TRMT11: variants seen among roughly 807,000 people sequenced by gnomAD.
TRMT11 encodes the protein tRNA (guanine(10)-N(2))-methyltransferase TRMT11.
A neutral mutation model predicts 62.8 loss-of-function variants in TRMT11; 53 were observed. The ratio of observed to expected loss-of-function variants is 0.84; its 90% CI spans 0.68 to 1.06. The LOEUF (loss-of-function observed/expected upper bound fraction) is 1.06. Ranked by LOEUF, TRMT11 falls within the 50% of genes least tolerant of loss-of-function variation. The pLI, the probability that TRMT11 is intolerant of heterozygous loss-of-function variation, is 0.00. For missense variants in TRMT11, 556 were observed against 553.4 expected (o/e 1.00, Z -0.05); for synonymous variants, 188 against 190.3 (o/e 0.99, Z 0.10).
intron 21 of TRMT11, among the ~76,000 whole-genome samples, chr6:126,139,794 A>G (rs1777895773): frequency 6.6e-6 from 1 of 152,104 alleles, no homozygotes; most frequent in Non-Finnish European, 1.5e-5. Context: ...ACCTTGCTAA[A>G]CTTTCTAATG....
At chr6:126,060,614 G>A (rs992811667) in intron 17 of TRMT11, among the ~76,000 whole-genome samples, 23 of 152,242 alleles carry the variant, frequency 1.5e-4, no homozygotes, top group Non-Finnish European at 2.6e-4. Context: ...GAGAGTCTGG[G>A]TTGGCCCTGC....
intron 17 of TRMT11, among the ~76,000 whole-genome samples, chr6:126,088,138 CTA>C (rs1183883038): frequency 1.3e-5 from 2 of 151,130 alleles, no homozygotes; most frequent in Non-Finnish European, 2.9e-5. Context: ...TATACTCTCT[CTA>C]TATATAGTAT....
intron 21 of TRMT11, among the ~76,000 whole-genome samples, chr6:126,122,010 A>G (rs1056425200): frequency 2.6e-5 from 4 of 152,036 alleles, no homozygotes; most frequent in African/African-American, 9.7e-5. Context: ...CTGATGGGAG[A>G]TAATTGAATC....
At chr6:126,016,109 C>A (rs1254873842) in intron 11 of TRMT11, among the ~76,000 whole-genome samples, 1 of 152,176 alleles carries the variant, frequency 6.6e-6, no homozygotes, top group Non-Finnish European at 1.5e-5. Flanking sequence ...AACCACTACT[C>A]AGATTAATGA....
At chr6:126,006,547 C>T (rs4897166) in intron 7 of TRMT11, among the ~76,000 whole-genome samples, 106,894 of 151,488 alleles carry the variant, frequency 0.71, 38,206 homozygotes, top group East Asian at 0.95. Context: ...TTTGGTAACG[C>T]AAAAAGAAAT....
intron 21 of TRMT11, among the ~76,000 whole-genome samples, chr6:126,170,983 T>C (rs1778323486): frequency 6.6e-6 from 1 of 152,202 alleles, no homozygotes; most frequent in Admixed American, 6.5e-5. Context: ...TTTTTTACTG[T>C]ACCAGGTGAT....
intron 21 of TRMT11, among the ~76,000 whole-genome samples, chr6:126,163,148 G>A (rs1173793981): frequency 6.6e-6 from 1 of 152,134 alleles, no homozygotes; most frequent in Non-Finnish European, 1.5e-5. Context: ...GTTTTCAAAA[G>A]GAATGCTTCC....
chr6:126,208,879 G>T, the TRMT11 span, among the ~76,000 whole-genome samples: 4 of 152,198 alleles, frequency 2.6e-5, no homozygotes, highest in African/African-American at 9.6e-5. Context: ...ACGCCTAAAG[G>T]CCTGGTAGGG....
the TRMT11 span, among the ~76,000 whole-genome samples, chr6:126,251,250 C>G: frequency 6.6e-5 from 10 of 151,790 alleles, no homozygotes; most frequent in Non-Finnish European, 1.3e-4. Context: ...AGGCTGGTCT[C>G]GAACTCCTGA....
upstream of TRMT11, among the ~76,000 whole-genome samples, chr6:126,173,111 A>G (rs79505636): frequency 0.059 from 8,917 of 152,226 alleles, 881 homozygotes; most frequent in African/African-American, 0.2. Context: ...TGCTCAGGGT[A>G]TGGCAGTAAA....
At chr6:126,074,860 G>A (rs1412274441) in intron 17 of TRMT11, among the ~76,000 whole-genome samples, 1 of 151,998 alleles carries the variant, frequency 6.6e-6, no homozygotes, top group Non-Finnish European at 1.5e-5. Context: ...AAGACTAGCT[G>A]TCAGAAAAAA....
chr6:126,206,921 T>A (rs181814914), downstream of TRMT11, among the ~76,000 whole-genome samples: 203 of 152,318 alleles, frequency 1.3e-3, 1 homozygote, highest in African/African-American at 4.6e-3. Flanking sequence ...TAAAGCAGTA[T>A]CTTTTAGCCA....
intron 21 of TRMT11, among the ~76,000 whole-genome samples, chr6:126,120,710 G>T (rs1777640105): frequency 6.6e-6 from 1 of 152,118 alleles, no homozygotes; most frequent in South Asian, 2.1e-4. Flanking sequence ...AGACTAAAAA[G>T]TTAGATGGAG....
At chr6:126,061,217 C>T (rs879367002) in intron 17 of TRMT11, among the ~76,000 whole-genome samples, 3 of 152,164 alleles carry the variant, frequency 2.0e-5, no homozygotes, top group Admixed American at 2.0e-4. Flanking sequence ...ATCAGACCTA[C>T]CAAAGCAGAA....
chr6:126,054,419 G>T (rs111769108), intron 17 of TRMT11, among the ~76,000 whole-genome samples: 1,647 of 152,264 alleles, frequency 0.011, 27 homozygotes, highest in African/African-American at 0.037. Context: ...GTAAGAGATT[G>T]CCCAGATAAG....
intron 1 of TRMT11, among the ~76,000 whole-genome samples, chr6:126,187,050 A>G (rs748005183): frequency 1.3e-5 from 2 of 152,096 alleles, no homozygotes; most frequent in Non-Finnish European, 2.9e-5. Context: ...TACTTTGCCT[A>G]AGATCAAAAT....
intron 21 of TRMT11, among the ~76,000 whole-genome samples, chr6:126,129,361 G>A (rs994133537): frequency 2.0e-5 from 3 of 152,112 alleles, no homozygotes; most frequent in African/African-American, 7.2e-5. Context: ...AGTGTCTGAT[G>A]TGGAATACTC....
intron 21 of TRMT11, among the ~76,000 whole-genome samples, chr6:126,131,887 A>G (rs975833340): frequency 5.9e-4 from 89 of 152,002 alleles, no homozygotes; most frequent in African/African-American, 2.1e-3. Context: ...AATAAATACA[A>G]TATGCCTTGC....
chr6:125,998,504 A>G (rs772057549), intron 5 of TRMT11, 46 bp from the exon 6 acceptor site: 4 of 1,572,394 alleles, frequency 2.5e-6, no homozygotes, highest in Non-Finnish European at 3.4e-6. Context: ...GCCATTTTTC[A>G]TTGTAAATTA....
Sources: gnomAD v4.1 joint callset for allele counts (sites outside exome capture counted in the v4.1 genomes callset) on GRCh38, gnomAD v4.1.1 for gene constraint, MANE v1.5 for transcripts, NCBI Gene and HGNC (gene_info 2026-07-23, HGNC 2026-07-21) for gene names.